Variants in OCEL1 observed in about 807,000 individuals in gnomAD.
The protein encoded by OCEL1 is occludin/ELL domain-containing protein 1.
OCEL1 carries 24 observed loss-of-function variants against 29.4 expected under a neutral mutation model. The ratio of observed to expected loss-of-function variants is 0.82; its 90% CI spans 0.59 to 1.15. The LOEUF (loss-of-function observed/expected upper bound fraction) is 1.15. OCEL1 is among the 50% of genes most tolerant of loss of function. The pLI is 0.00. For synonymous variants in OCEL1, 172 were observed against 145.3 expected (o/e 1.18, Z -1.32); for missense variants, 402 against 352.5 (o/e 1.14, Z -1.13).
intron 1 of OCEL1, 122 bp downstream of exon 1, chr19:17,226,438 G>C (rs369989833): frequency 3.0e-5 from 37 of 1,213,406 alleles, no homozygotes; most frequent in South Asian, 2.5e-4. Flanking sequence ...CGGCAGCGCG[G>C]GGGTTAACTC....
rs1485798959 is a variant in OCEL1 at position 17,229,018 on chromosome 19, C to T, written c.*93C>T. 2 of 1,445,158 alleles carry T rather than the reference C, an allele frequency of 1.4e-6. No individual in the cohort carries two copies. Among genetic ancestry groups the T allele is most frequent in the African/African-American group, 2.8e-5 (2 of 70,778 alleles). 89.5% of individuals were successfully genotyped at this position (1,445,158 alleles called of 1,614,324 possible). On this transcript the variant is annotated 3_prime_UTR_variant, in exon 6 of 6. Coordinates refer to ENST00000215061, the MANE Select transcript of OCEL1 (RefSeq NM_024578.3). Reference sequence around the variant, plus strand: ...GCTTTTCCTCTTGCAGCTCCCCCTACCAGGGGTCGCTTTCTCCTGGATTGC... The same window carrying T: ...GCTTTTCCTCTTGCAGCTCCCCCTATCAGGGGTCGCTTTCTCCTGGATTGC...
In OCEL1 at chr19:17,226,691, A is replaced by C; in HGVS notation, c.70-2A>C. 6.8e-7 allele frequency: 1 copy of C among 1,478,054 alleles called. No individual in the cohort carries two copies. The highest frequency in any genetic ancestry group is 8.9e-7 in the Non-Finnish European group (1 of 1,123,156). 91.6% of individuals were successfully genotyped at this position (1,478,054 alleles called of 1,614,324 possible). A position where few individuals can be genotyped will look rare whatever the true frequency, so the allele number is the denominator to read the frequency against. ...GTGTCCTCTCCGCGTGTCCACCCAC[A>C]GGCCGCCCGCAGACCACCCCCGCCG... is the stretch of plus-strand genomic sequence containing the variant. On this transcript the variant is annotated splice_acceptor_variant, in intron 1 of 5. Transcript: ENST00000215061. LOFTEE classifies it high-confidence loss of function.
At position 17,226,321 on chromosome 19, in the gene OCEL1, C is replaced by A; in HGVS notation, c.69+5C>A. On this transcript the variant is annotated splice_donor_5th_base_variant and intron_variant, in intron 1 of 5. Transcript: ENST00000215061. ...GAGCTCCAGACGCTGGGACAGGTGACCCGGGGCGGTAGCGAGCCGGACGGC... is the reference window on the plus strand; with the variant it reads ...GAGCTCCAGACGCTGGGACAGGTGAACCGGGGCGGTAGCGAGCCGGACGGC... 1 of 1,610,918 alleles carries A rather than the reference C, an allele frequency of 6.2e-7. No individual in the cohort carries two copies. The highest frequency in any genetic ancestry group is 2.2e-5 in the East Asian group (1 of 44,758).
intron 1 of OCEL1, 62 bp downstream of exon 1, chr19:17,226,378 C>A: frequency 1.3e-6 from 2 of 1,571,820 alleles, no homozygotes; most frequent in Non-Finnish European, 1.7e-6. Flanking sequence ...CCGAGGAGCT[C>A]CTCGGGCGCG....
At position 17,229,071 on chromosome 19, in the gene OCEL1, C is replaced by T. The variant is rs746679826; in HGVS notation, c.*146C>T. 7.0e-6 allele frequency: 6 copies of T among 862,696 alleles called. No homozygotes were observed. The highest frequency in any genetic ancestry group is 1.0e-5 in the Non-Finnish European group (6 of 587,656). 53.4% of individuals were successfully genotyped at this position (862,696 alleles called of 1,614,324 possible). A position where few individuals can be genotyped will look rare whatever the true frequency, so the allele number is the denominator to read the frequency against. ...ATGCCTCTTCAGTTTGGACTCAGCTCTGACAGCCCCTCCTCCAGGAAGGCC... is the reference window on the plus strand; with the variant it reads ...ATGCCTCTTCAGTTTGGACTCAGCTTTGACAGCCCCTCCTCCAGGAAGGCC... On this transcript the variant is annotated 3_prime_UTR_variant, in exon 6 of 6. Coordinates refer to ENST00000215061, the MANE Select transcript of OCEL1 (RefSeq NM_024578.3).
rs774411235 is a variant in OCEL1, at chr19:17,227,188, C to T, written c.441C>T (p.Pro147=). Residue 147 remains proline, a synonymous_variant, in exon 3 of 6, where the codon CCC becomes CCT. Coordinates refer to ENST00000215061, the MANE Select transcript of OCEL1 (RefSeq NM_024578.3). ...KGHKPRPHPV[P]DYELKYPPVS... is the part of the protein sequence containing the mutation. ...ATAAGCCTAGGCCCCACCCAGTGCC[C>T]GACTATGAGCTGTGAGTGTCCCCCA... 6 of 1,498,000 alleles carry T rather than the reference C, an allele frequency of 4.0e-6. No individual in the cohort carries two copies. Among genetic ancestry groups the T allele is most frequent in the African/African-American group, 2.9e-5 (2 of 69,302 alleles). 92.8% of individuals were successfully genotyped at this position (1,498,000 alleles called of 1,614,324 possible).
rs2073358700 is a variant in OCEL1 at position 17,226,320 on chromosome 19, A to T, written c.69+4A>T. ...GGAGCTCCAGACGCTGGGACAGGTG[A>T]CCCGGGGCGGTAGCGAGCCGGACGG... On this transcript the variant is annotated splice_donor_region_variant and intron_variant, in intron 1 of 5. Coordinates refer to ENST00000215061, the MANE Select transcript of OCEL1 (RefSeq NM_024578.3). The T allele has an allele frequency of 6.2e-7, 1 of 1,610,876 alleles. No homozygotes were observed. Among genetic ancestry groups the T allele is most frequent in the Non-Finnish European group, 8.5e-7 (1 of 1,179,184 alleles).
At chr19:17,226,632 C>T (rs1265458867) in intron 1 of OCEL1, 61 bp from the exon 2 acceptor site, 11 of 1,407,952 alleles carry the variant, frequency 7.8e-6, no homozygotes, top group Non-Finnish European at 1.0e-5. Flanking sequence ...GGCCGAGCTG[C>T]CCGCGCGTCC....
chr19:17,227,150 A>G lies in OCEL1; in HGVS notation c.403A>G (p.Ile135Val), dbSNP rs2145556250. The part of the protein sequence containing the change: ...LLGAKKPIGA[I>V]PKGHKPRPHP... ...GGGCGCCAAGAAGCCTATTGGAGCCATCCCTAAGGGGCATAAGCCTAGGCC... is the reference window on the plus strand; with the variant it reads ...GGGCGCCAAGAAGCCTATTGGAGCCGTCCCTAAGGGGCATAAGCCTAGGCC... Residue 135 changes from isoleucine (I) to valine (V), a missense_variant, in exon 3 of 6, where the codon ATC becomes GTC. Ile to Val is a conservative substitution (Grantham distance 29, BLOSUM62 3). Coordinates refer to ENST00000215061, the MANE Select transcript of OCEL1 (RefSeq NM_024578.3). The G allele has an allele frequency of 6.3e-7, 1 of 1,586,886 alleles. No individual in the cohort carries two copies. The highest frequency in any genetic ancestry group is 8.5e-7 in the Non-Finnish European group (1 of 1,171,084).
rs935928396 is a variant in OCEL1 at position 17,228,162 on chromosome 19, C to T, written c.619-94C>T. 3.9e-6 allele frequency: 6 copies of T among 1,544,560 alleles called. No individual in the cohort carries two copies. In the African/African-American group the frequency reaches 5.5e-5, roughly 14 times the overall value. ...CTAAGGTCAGCCCTTGAAGTCCCCACTAGATGGGCATTTAGTCTGTCTGAG... is the reference window on the plus strand; with the variant it reads ...CTAAGGTCAGCCCTTGAAGTCCCCATTAGATGGGCATTTAGTCTGTCTGAG... On this transcript the variant is annotated intron_variant, in intron 4 of 5. Transcript: ENST00000215061.
At chr19:17,228,379 AG>A in intron 5 of OCEL1, 70 bp downstream of exon 5, 1 of 1,466,708 alleles carries the variant, frequency 6.8e-7, no homozygotes, top group Non-Finnish European at 9.3e-7. Flanking sequence ...GCCTGTGCCC[AG>A]TTTCTTTTTT....
intron 5 of OCEL1, 193 bp downstream of exon 5, chr19:17,228,502 C>T (rs745942315): frequency 3.1e-6 from 2 of 643,690 alleles, no homozygotes; most frequent in South Asian, 4.0e-5. Context: ...TCTCCTGCCT[C>T]AGCTGGGATC....
intron 1 of OCEL1, 94 bp from the exon 2 acceptor site, chr19:17,226,599 G>A (rs1332431896): frequency 7.7e-6 from 10 of 1,304,616 alleles, no homozygotes; most frequent in East Asian, 2.6e-5. Context: ...CTGCTCCCGC[G>A]GGGTGAGAGT....
chr19:17,226,969 C>A, intron 2 of OCEL1, 25 bp from the exon 3 acceptor site: 1 of 1,560,726 alleles, frequency 6.4e-7, no homozygotes, highest in South Asian at 1.2e-5. Flanking sequence ...CCCGATTTAA[C>A]TCCAGACCAC....
chr19:17,228,702 G>A, intron 5 of OCEL1, 101 bp from the exon 6 acceptor site: 2 of 1,505,904 alleles, frequency 1.3e-6, no homozygotes, highest in Non-Finnish European at 1.8e-6. Context: ...CAGTTTCAAG[G>A]AGAGAAAATT....
At position 17,227,900 on chromosome 19, in the gene OCEL1, C is replaced by G. The variant is rs775930116; in HGVS notation, c.513C>G (p.Asp171Glu). The change falls in exon 4 of 6, where the codon GAC (aspartate) becomes GAG (glutamate). Residue 171 changes from aspartate (D) to glutamate (E), a missense_variant. By Grantham distance (45) the Asp-to-Glu change is conservative. Transcript: ENST00000215061. ...ERSRYVAVFQ[D>E]QYGEFLELQH... ...GCCGCTATGTCGCAGTGTTCCAGGA[C>G]CAGTACGGAGAGTTCTTGGAGCTCC... 4 of 1,613,758 alleles carry G rather than the reference C, an allele frequency of 2.5e-6. No individual in the cohort carries two copies. Among genetic ancestry groups the G allele is most frequent in the Admixed American group, 1.7e-5 (1 of 59,996 alleles).
rs753758340 is a variant in OCEL1 at position 17,226,791 on chromosome 19, G to A, written c.168G>A (p.Pro56=). ...CCCTGAGCTGCTTCTCCCGGAGGCC[G>A]ATGCCCACCCGGGAGCCCCCAAAGA... ...RKPLSCFSRR[P]MPTREPPKTR... The change falls in exon 2 of 6, where the codon CCG becomes CCA. Residue 56 remains proline (P), a synonymous_variant. Transcript: ENST00000215061. 7.8e-5 allele frequency: 124 copies of A among 1,593,690 alleles called. No homozygotes were observed. Among genetic ancestry groups the A allele is most frequent in the Non-Finnish European group, 1.0e-4 (117 of 1,173,382 alleles).
chr19:17,226,455 G>C, intron 1 of OCEL1, 139 bp downstream of exon 1: 1 of 1,073,534 alleles, frequency 9.3e-7, no homozygotes, highest in Middle Eastern at 3.0e-4. Context: ...ACTCGAGCCG[G>C]TCCCAGGCTG....
chr19:17,227,787 G>C, intron 3 of OCEL1, 53 bp from the exon 4 acceptor site: 1 of 1,581,410 alleles, frequency 6.3e-7, no homozygotes, highest in East Asian at 2.3e-5. Flanking sequence ...CACTGACTGG[G>C]GGAAAGAGTG....
Sources: allele counts gnomAD v4.1 joint callset, GRCh38; gene constraint gnomAD v4.1.1; transcripts MANE v1.5; gene names NCBI Gene and HGNC (gene_info 2026-07-23, HGNC 2026-07-21).